DRAM1: variants seen among roughly 807,000 people sequenced by gnomAD.
DRAM1 encodes the protein DNA damage regulated autophagy modulator 1.
Under a neutral mutation model 28.5 loss-of-function variants are expected in DRAM1, and 25 were observed. The ratio of observed to expected loss-of-function variants is 0.88; its 90% CI spans 0.64 to 1.23. The LOEUF is 1.23. DRAM1 is among the 50% of genes most tolerant of loss of function. The pLI, the probability that DRAM1 is intolerant of heterozygous loss-of-function variation, is 0.00. For synonymous variants in DRAM1, 113 were observed against 114.2 expected (o/e 0.99, Z 0.07); for missense variants, 249 against 299.2 (o/e 0.83, Z 1.24).
At chr12:101,895,062 C>G (rs141409209) in intron 1 of DRAM1, among the ~76,000 whole-genome samples, 1 of 152,228 alleles carries the variant, frequency 6.6e-6, no homozygotes, top group Middle Eastern at 3.4e-3. Context: ...TTACTGGTTC[C>G]CATTCCTGTC....
At chr12:101,911,475 T>C (rs1180727429) in intron 4 of DRAM1, among the ~76,000 whole-genome samples, 1 of 152,216 alleles carries the variant, frequency 6.6e-6, no homozygotes, top group African/African-American at 2.4e-5. Context: ...ATCAGACCCA[T>C]GATCTGAGAC....
At chr12:101,880,305 TAA>T (rs1872649937) in intron 1 of DRAM1, among the ~76,000 whole-genome samples, 1 of 85,852 alleles carries the variant, frequency 1.2e-5, no homozygotes, top group South Asian at 3.7e-4. Context: ...TTTTTTTTTT[TAA>T]GACAGAGTCT....
At chr12:101,901,513 C>G in intron 3 of DRAM1, 80 bp downstream of exon 3, 1 of 1,490,920 alleles carries the variant, frequency 6.7e-7, no homozygotes, top group Non-Finnish European at 9.1e-7. Flanking sequence ...GCAAGAGGCA[C>G]ACTTATGCCA....
At position 101,922,398 on chromosome 12, in the gene DRAM1, C is replaced by T. The variant is rs1286958658; in HGVS notation, c.*1138C>T. ...GCTTGAAAGGTGAAGAGCAGGAATT[C>T]TCTCTTTCAAATCCTAGAGCATAAA... On this transcript the variant is annotated 3_prime_UTR_variant, in exon 7 of 7. Coordinates refer to ENST00000258534, the MANE Select transcript of DRAM1 (RefSeq NM_018370.3). 2.6e-5 allele frequency: 4 copies of T among 152,258 alleles called. No individual in the cohort carries two copies. The highest frequency in any genetic ancestry group is 9.6e-5 in the African/African-American group (4 of 41,462). The allele number at this position is 152,258 out of a possible 1,614,324, so 9.4% of individuals were successfully genotyped here. A position where few individuals can be genotyped will look rare whatever the true frequency, so the allele number is the denominator to read the frequency against.
At chr12:101,897,979 A>C in intron 2 of DRAM1, 49 bp downstream of exon 2, 1 of 1,122,880 alleles carries the variant, frequency 8.9e-7, no homozygotes, top group South Asian at 1.5e-5. Flanking sequence ...CACAATTCCA[A>C]GTGAAGTTGA....
intron 3 of DRAM1, among the ~76,000 whole-genome samples, chr12:101,904,427 G>GTTTTTTTTTTTT (rs1873722451): frequency 5.0e-5 from 1 of 19,814 alleles, no homozygotes; most frequent in African/African-American, 4.1e-4. Flanking sequence ...AGCTTTAGGG[G>GTTTTTTTTTTTT]TTTTTTTTTT....
intron 1 of DRAM1, among the ~76,000 whole-genome samples, chr12:101,878,877 C>G (rs1478904427): frequency 2.0e-5 from 3 of 151,716 alleles, no homozygotes; most frequent in Non-Finnish European, 4.4e-5. Context: ...GTCTGGTGAG[C>G]AATGTTCTGT....
Position 101,890,467 on chromosome 12 carries a change from C to T in DRAM1, c.132-7396C>T, listed in dbSNP as rs1428537551. ...TCAAATAACTTTCCAAATCAAACCACGTTCATCTCCCTCTTTATCACCATA... is the reference window on the plus strand; with the variant it reads ...TCAAATAACTTTCCAAATCAAACCATGTTCATCTCCCTCTTTATCACCATA... On this transcript the variant is annotated intron_variant, in intron 1 of 6. Transcript: ENST00000258534. Among the ~76,000 whole-genome samples, 3 of 22,306 alleles carry T rather than the reference C, an allele frequency of 1.3e-4. No individual in the cohort carries two copies. In the African/African-American group the frequency reaches 3.0e-3, roughly 22 times the overall value. 14.6% of individuals were successfully genotyped at this position (22,306 alleles called of 152,430 possible). A position where few individuals can be genotyped will look rare whatever the true frequency, so the allele number is the denominator to read the frequency against.
At chr12:101,900,252 G>A (rs1873548810) in intron 2 of DRAM1, among the ~76,000 whole-genome samples, 3 of 152,120 alleles carry the variant, frequency 2.0e-5, no homozygotes, top group Non-Finnish European at 4.4e-5. Flanking sequence ...TAATAGACAT[G>A]AAAAGCAAAA....
At chr12:101,883,677 C>T (rs1872772166) in intron 1 of DRAM1, among the ~76,000 whole-genome samples, 1 of 151,366 alleles carries the variant, frequency 6.6e-6, no homozygotes, top group African/African-American at 2.4e-5. Context: ...CTCACTCACG[C>T]CTGTAATCCC....
At chr12:101,920,080 T>C in intron 5 of DRAM1, 29 bp from the exon 6 acceptor site, 1 of 1,517,852 alleles carries the variant, frequency 6.6e-7, no homozygotes, top group East Asian at 2.3e-5. Flanking sequence ...CTTTTTCGGC[T>C]AAATTCTGTT....
At chr12:101,886,024 T>C (rs181098035) in intron 1 of DRAM1, among the ~76,000 whole-genome samples, 3 of 152,348 alleles carry the variant, frequency 2.0e-5, no homozygotes, top group African/African-American at 7.2e-5. Context: ...TGGTCCTGTT[T>C]CATTAACCTT....
intron 5 of DRAM1, among the ~76,000 whole-genome samples, chr12:101,919,273 GACACACACACGC>G: frequency 6.7e-6 from 1 of 148,922 alleles, no homozygotes; most frequent in East Asian, 2.0e-4. Context: ...CAGACACACA[GACACACACACGC>G]ACACACACAC....
At chr12:101,909,307 A>G (rs1873950138) in intron 4 of DRAM1, among the ~76,000 whole-genome samples, 1 of 151,726 alleles carries the variant, frequency 6.6e-6, no homozygotes, top group Non-Finnish European at 1.5e-5. Flanking sequence ...AACATTGTCT[A>G]ATTAGATCAA....
At chr12:101,895,186 G>GTTTTTTTTTGTTTTGTTTT (rs1873300407) in intron 1 of DRAM1, among the ~76,000 whole-genome samples, 1 of 75,720 alleles carries the variant, frequency 1.3e-5, no homozygotes, top group Non-Finnish European at 2.3e-5. Context: ...AACCCTTCAG[G>GTTTTTTTTTGTTTTGTTTT]TTTTTTTTTT....
In DRAM1 at chr12:101,922,070, A is replaced by G. The variant is rs1479829775; in HGVS notation, c.*810A>G. Reference sequence around the variant, plus strand: ...GATATATAGTCTGACTCAGAACTGAAGCTCACATCTCAAATTCATTTCATG... The same window carrying G: ...GATATATAGTCTGACTCAGAACTGAGGCTCACATCTCAAATTCATTTCATG... On this transcript the variant is annotated 3_prime_UTR_variant, in exon 7 of 7. Coordinates refer to ENST00000258534, the MANE Select transcript of DRAM1 (RefSeq NM_018370.3). 1.3e-5 allele frequency: 2 copies of G among 152,212 alleles called. No homozygotes were observed. The highest frequency in any genetic ancestry group is 2.9e-5 in the Non-Finnish European group (2 of 68,034). 9.4% of individuals were successfully genotyped at this position (152,212 alleles called of 1,614,324 possible). A position where few individuals can be genotyped will look rare whatever the true frequency, so the allele number is the denominator to read the frequency against.
chr12:101,893,836 C>T (rs1249285031), intron 1 of DRAM1, among the ~76,000 whole-genome samples: 5 of 146,992 alleles, frequency 3.4e-5, no homozygotes, highest in Non-Finnish European at 6.0e-5. Context: ...GCTTTTGGTT[C>T]CACCTGTATA....
At chr12:101,903,509 G>A (rs1019294392) in intron 3 of DRAM1, among the ~76,000 whole-genome samples, 2 of 152,172 alleles carry the variant, frequency 1.3e-5, no homozygotes, top group Non-Finnish European at 2.9e-5. Flanking sequence ...GTAGAATGGT[G>A]TTACAGGAGT....
At chr12:101,895,759 A>G (rs941824952) in intron 1 of DRAM1, among the ~76,000 whole-genome samples, 2 of 150,670 alleles carry the variant, frequency 1.3e-5, no homozygotes, top group Non-Finnish European at 3.0e-5. Context: ...TTTAGTAGAG[A>G]CAGGGTTTCA....
Sources: allele counts gnomAD v4.1 joint callset (sites outside exome capture counted in the v4.1 genomes callset), GRCh38; gene constraint gnomAD v4.1.1; transcripts MANE v1.5; gene names NCBI Gene and HGNC (gene_info 2026-07-23, HGNC 2026-07-21).